PDZD2: variants seen among roughly 807,000 people sequenced by gnomAD.
The protein encoded by PDZD2 is PDZ domain-containing protein 2.
In PDZD2, 90 loss-of-function variants were observed where a neutral mutation model predicts 220.7. The ratio of observed to expected loss-of-function variants is 0.41; its 90% CI spans 0.34 to 0.49. The LOEUF is 0.49. Among genes scored for constraint, PDZD2 ranks in the 20% least tolerant of loss-of-function variants. The pLI is 0.28. For missense variants in PDZD2, 3,174 were observed against 3,608.5 expected (o/e 0.88, Z 3.08); for synonymous variants, 1,375 against 1,450.5 (o/e 0.95, Z 1.18).
At chr5:32,006,907 CTTTTTTTTTTTTT>C (rs1173189592) in intron 5 of PDZD2, among the ~76,000 whole-genome samples, 1 of 47,844 alleles carries the variant, frequency 2.1e-5, no homozygotes. Flanking sequence ...CCATGCTGGT[CTTTTTTTTTTTTT>C]TTTTTTTTTT....
intron 2 of PDZD2, among the ~76,000 whole-genome samples, chr5:31,950,289 A>C (rs535707384): frequency 6.6e-6 from 1 of 152,186 alleles, no homozygotes; most frequent in South Asian, 2.1e-4. Context: ...GCTTGAGAGA[A>C]TCTCCCCATG....
intron 2 of PDZD2, among the ~76,000 whole-genome samples, chr5:31,950,871 A>C (rs981588889): frequency 1.3e-5 from 2 of 152,130 alleles, no homozygotes; most frequent in African/African-American, 2.4e-5. Flanking sequence ...TTGGATGTCT[A>C]TTAAAAAATA....
chr5:31,929,724 C>T (rs983430506), intron 2 of PDZD2, among the ~76,000 whole-genome samples: 3 of 144,176 alleles, frequency 2.1e-5, no homozygotes, highest in African/African-American at 7.9e-5. Context: ...TGGTGCTGGA[C>T]ATGTGTAATC....
At chr5:31,849,768 C>T (rs1263652412) in intron 2 of PDZD2, among the ~76,000 whole-genome samples, 4 of 150,212 alleles carry the variant, frequency 2.7e-5, no homozygotes, top group African/African-American at 7.4e-5. Context: ...TGCTTGAACC[C>T]GGGAGGCAGA....
At chr5:31,832,917 C>T (rs924268939) in intron 2 of PDZD2, among the ~76,000 whole-genome samples, 9 of 151,572 alleles carry the variant, frequency 5.9e-5, no homozygotes, top group African/African-American at 1.5e-4. Context: ...AGTTTGGGGT[C>T]ACAGGTGGCC....
chr5:32,037,175 C>A, intron 6 of PDZD2, 56 bp from the exon 7 acceptor site: 1 of 1,077,618 alleles, frequency 9.3e-7, no homozygotes, highest in Non-Finnish European at 1.4e-6. Context: ...AGGGGGACAG[C>A]ATAAGTCATC....
rs751370577 is a variant in PDZD2 at position 32,074,772 on chromosome 5, CAG to C, written c.3537+132_3537+133del. ...TGATGGCTGGAGAATTATCTTTCAA[CAG>C]AGTCAGTCACTTAAATACCTGGACT... On this transcript the variant is annotated intron_variant, in intron 18 of 24. Coordinates refer to ENST00000438447, the MANE Select transcript of PDZD2 (RefSeq NM_178140.4). 1.1e-5 allele frequency: 7 copies of C among 644,690 alleles called. No homozygotes were observed. The East Asian group carries it at 1.1e-4, about 10-fold the overall frequency. The allele number at this position is 644,690 out of a possible 1,614,324, so 39.9% of individuals were successfully genotyped here.
At chr5:32,069,532 T>C in intron 14 of PDZD2, 37 bp from the exon 15 acceptor site, 4 of 1,187,698 alleles carry the variant, frequency 3.4e-6, no homozygotes, top group Non-Finnish European at 5.1e-6. Context: ...AATAAATAAA[T>C]AAAACCATCT....
At chr5:31,836,228 C>T (rs372572106) in intron 2 of PDZD2, among the ~76,000 whole-genome samples, 19 of 122,138 alleles carry the variant, frequency 1.6e-4, no homozygotes, top group South Asian at 2.7e-4. Context: ...ATTTTATTGG[C>T]TTTTTTTTTT....
intron 21 of PDZD2, among the ~76,000 whole-genome samples, chr5:32,094,110 G>A (rs1321041476): frequency 6.6e-6 from 1 of 151,296 alleles, no homozygotes; most frequent in Non-Finnish European, 1.5e-5. Flanking sequence ...TGGTCTTGCT[G>A]CCTCAAGGAT....
At chr5:31,977,512 C>T (rs566176682) in intron 2 of PDZD2, among the ~76,000 whole-genome samples, 8 of 152,296 alleles carry the variant, frequency 5.3e-5, no homozygotes, top group African/African-American at 1.9e-4. Flanking sequence ...CCCACCCTCA[C>T]CCGCCAACCT....
In PDZD2 at chr5:32,091,075, G is replaced by A; in HGVS notation, c.7627G>A (p.Gly2543Arg). The A allele has an allele frequency of 4.3e-6, 7 of 1,611,800 alleles. No individual in the cohort carries two copies. Among genetic ancestry groups the A allele is most frequent in the East Asian group, 2.2e-5 (1 of 44,790 alleles). Residue 2543 changes from glycine (G) to arginine (R), a missense_variant, in exon 20 of 25, where the codon GGA becomes AGA. Physicochemically the swap from Gly to Arg is moderately radical, Grantham distance 125. Coordinates refer to ENST00000438447, the MANE Select transcript of PDZD2 (RefSeq NM_178140.4). The stretch of plus-strand genomic sequence containing the variant: ...GGGCGGGAACAGGGCCTGTCCAGGA[G>A]GAAGTGGCCCTAAAACCAGTGCTGC... ...EKGGNRACPG[G>R]SGPKTSAAET...
chr5:31,656,908 C>G (rs1561366598), intron 1 of PDZD2, among the ~76,000 whole-genome samples: 1 of 152,156 alleles, frequency 6.6e-6, no homozygotes, highest in African/African-American at 2.4e-5. Context: ...GTCTTATTAT[C>G]AAGTTGACAT....
At chr5:31,934,964 G>A (rs544576636) in intron 2 of PDZD2, among the ~76,000 whole-genome samples, 3 of 152,058 alleles carry the variant, frequency 2.0e-5, no homozygotes, top group South Asian at 2.1e-4. Flanking sequence ...GCGGGCGCCT[G>A]TAATCCCAGC....
chr5:31,851,774 T>C (rs1197962128), intron 2 of PDZD2, among the ~76,000 whole-genome samples: 1 of 152,204 alleles, frequency 6.6e-6, no homozygotes, highest in African/African-American at 2.4e-5. Flanking sequence ...ACGCACCAGA[T>C]CATATCTTTC....
chr5:31,849,921 T>TATATATATACACATATATATATATAC, intron 2 of PDZD2, among the ~76,000 whole-genome samples: 2 of 16,996 alleles, frequency 1.2e-4, no homozygotes, highest in South Asian at 2.2e-3. Context: ...TATATATACA[T>TATATATATACACATATATATATATAC]ATATATATAT....
intron 2 of PDZD2, among the ~76,000 whole-genome samples, chr5:31,848,754 G>GA: frequency 6.9e-6 from 1 of 144,702 alleles, no homozygotes; most frequent in African/African-American, 2.5e-5. Flanking sequence ...CAAAAAAAAA[G>GA]AAAAAAGAAA....
chr5:31,844,165 T>C (rs1757469321), intron 2 of PDZD2, among the ~76,000 whole-genome samples: 2 of 152,142 alleles, frequency 1.3e-5, no homozygotes, highest in Admixed American at 1.3e-4. Flanking sequence ...TTTTGATATA[T>C]CATTGTAAGA....
At chr5:31,850,032 AT>A (rs1561507670) in intron 2 of PDZD2, among the ~76,000 whole-genome samples, 4,032 of 75,880 alleles carry the variant, frequency 0.053, 785 homozygotes, top group African/African-American at 0.17. Context: ...ATACTCATAT[AT>A]ACACGTATAT....
Sources: gnomAD v4.1 joint callset for allele counts (sites outside exome capture counted in the v4.1 genomes callset) on GRCh38, gnomAD v4.1.1 for gene constraint, MANE v1.5 for transcripts, NCBI Gene and HGNC (gene_info 2026-07-23, HGNC 2026-07-21) for gene names.